Variants in KCNIP4 observed in about 807,000 individuals in gnomAD.
The protein encoded by KCNIP4 is potassium voltage-gated channel interacting protein 4.
In KCNIP4, 12 loss-of-function variants were observed where a neutral mutation model predicts 34.0. The ratio of observed to expected loss-of-function variants is 0.35; its 90% CI spans 0.23 to 0.57. KCNIP4 has a LOEUF of 0.57. KCNIP4 is among the 20% of genes least tolerant of loss of function. KCNIP4 has a pLI of 0.83. For missense variants in KCNIP4, 238 were observed against 311.7 expected (o/e 0.76, Z 1.78); for synonymous variants, 124 against 102.2 (o/e 1.21, Z -1.29).
chr4:21,929,584 T>C (rs1729450391), intron 1 of KCNIP4, among the ~76,000 whole-genome samples: 2 of 152,130 alleles, frequency 1.3e-5, no homozygotes, highest in South Asian at 4.1e-4. Context: ...CCTATAAACA[T>C]GCCCAAACTT....
At chr4:21,716,307 G>T (rs144654069) in intron 1 of KCNIP4, among the ~76,000 whole-genome samples, 1 of 151,996 alleles carries the variant, frequency 6.6e-6, no homozygotes, top group East Asian at 1.9e-4. Flanking sequence ...CGTGATCTCG[G>T]CTCACTGCAC....
chr4:21,444,833 C>G (rs925002141), intron 1 of KCNIP4, among the ~76,000 whole-genome samples: 1 of 152,148 alleles, frequency 6.6e-6, no homozygotes, highest in South Asian at 2.1e-4. Flanking sequence ...AGGAAGTCAA[C>G]TTGTCCCTGT....
chr4:20,926,018 A>G (rs985795508), intron 1 of KCNIP4, among the ~76,000 whole-genome samples: 2 of 152,250 alleles, frequency 1.3e-5, no homozygotes, highest in Non-Finnish European at 2.9e-5. Context: ...TCTCTGCCCA[A>G]GATTTGAGAC....
chr4:21,201,737 A>T (rs1756514156), intron 1 of KCNIP4, among the ~76,000 whole-genome samples: 1 of 152,114 alleles, frequency 6.6e-6, no homozygotes, highest in African/African-American at 2.4e-5. Context: ...TGACCTCATA[A>T]TCCACTCACC....
intron 3 of KCNIP4, among the ~76,000 whole-genome samples, chr4:20,826,832 C>G (rs1560494831): frequency 6.6e-6 from 1 of 152,216 alleles, no homozygotes; most frequent in South Asian, 2.1e-4. Context: ...CATCAATATT[C>G]CCCCTGAGAT....
At chr4:20,739,312 T>G (rs1265335476) in intron 5 of KCNIP4, among the ~76,000 whole-genome samples, 1 of 152,170 alleles carries the variant, frequency 6.6e-6, no homozygotes, top group African/African-American at 2.4e-5. Context: ...CCGAGTAGCA[T>G]AACTGGGAAA....
intron 1 of KCNIP4, among the ~76,000 whole-genome samples, chr4:21,115,511 C>G (rs1049066196): frequency 2.0e-5 from 3 of 152,158 alleles, no homozygotes; most frequent in Non-Finnish European, 2.9e-5. Flanking sequence ...GTGTGAGCCA[C>G]TTCAAAACAG....
At chr4:21,207,837 C>CTT (rs1224347026) in intron 1 of KCNIP4, among the ~76,000 whole-genome samples, 3 of 130,982 alleles carry the variant, frequency 2.3e-5, no homozygotes, top group African/African-American at 3.1e-5. Flanking sequence ...CTCCTTTTTT[C>CTT]TTTTTCTTTT....
intron 1 of KCNIP4, among the ~76,000 whole-genome samples, chr4:21,275,889 T>C (rs933152671): frequency 3.3e-5 from 5 of 151,980 alleles, no homozygotes; most frequent in African/African-American, 9.7e-5. Flanking sequence ...TGGACCACAA[T>C]GGAAAAAGAA....
At chr4:21,679,418 G>A (rs1159741615) in intron 1 of KCNIP4, among the ~76,000 whole-genome samples, 3 of 152,182 alleles carry the variant, frequency 2.0e-5, no homozygotes, top group African/African-American at 7.2e-5. Flanking sequence ...ATGAATACCT[G>A]TTGGATAATT....
intron 1 of KCNIP4, among the ~76,000 whole-genome samples, chr4:21,815,680 T>A (rs2109278660): frequency 6.6e-6 from 1 of 152,304 alleles, no homozygotes; most frequent in Middle Eastern, 3.4e-3. Flanking sequence ...GGATGCAAAT[T>A]ATCCTGTTTG....
At chr4:21,479,528 A>G (rs1311348371) in intron 1 of KCNIP4, among the ~76,000 whole-genome samples, 2 of 152,164 alleles carry the variant, frequency 1.3e-5, no homozygotes, top group East Asian at 3.9e-4. Flanking sequence ...CTTCAAGAAG[A>G]AAGATAGTGC....
At chr4:21,025,647 G>C (rs544645438) in intron 1 of KCNIP4, among the ~76,000 whole-genome samples, 1 of 127,576 alleles carries the variant, frequency 7.8e-6, no homozygotes, top group Non-Finnish European at 1.6e-5. Flanking sequence ...TCTGCCTCCC[G>C]GGTTCACGCC....
At chr4:21,257,791 A>C (rs1761172664) in intron 1 of KCNIP4, among the ~76,000 whole-genome samples, 1 of 151,856 alleles carries the variant, frequency 6.6e-6, no homozygotes, top group South Asian at 2.1e-4. Flanking sequence ...AAACACCAGG[A>C]GATGAGTTCA....
intron 1 of KCNIP4, among the ~76,000 whole-genome samples, chr4:21,577,708 G>A (rs568249542): frequency 1.3e-4 from 20 of 152,080 alleles, no homozygotes; most frequent in African/African-American, 4.1e-4. Flanking sequence ...CCTCTATGCC[G>A]TTGCACACTC....
intron 1 of KCNIP4, among the ~76,000 whole-genome samples, chr4:21,559,559 C>A (rs928888164): frequency 1.3e-5 from 2 of 151,994 alleles, no homozygotes; most frequent in Non-Finnish European, 2.9e-5. Context: ...TGTGCTATAA[C>A]AGAGGGCTCA....
chr4:20,963,308 C>T (rs933202931), intron 1 of KCNIP4, among the ~76,000 whole-genome samples: 1 of 148,440 alleles, frequency 6.7e-6, no homozygotes, highest in East Asian at 2.0e-4. Flanking sequence ...GCCTGGGCGA[C>T]AGAGCGAGAC....
At chr4:20,864,259 CAT>C (rs984914515) in intron 2 of KCNIP4, among the ~76,000 whole-genome samples, 2 of 150,500 alleles carry the variant, frequency 1.3e-5, no homozygotes, top group East Asian at 2.0e-4. Flanking sequence ...TATATGCACA[CAT>C]ATGTATGTAC....
intron 1 of KCNIP4, among the ~76,000 whole-genome samples, chr4:20,953,363 A>G (rs1005817785): frequency 2.6e-5 from 4 of 152,196 alleles, no homozygotes; most frequent in African/African-American, 9.6e-5. Context: ...GTTGGAACCT[A>G]GCACAGTGCA....
Sources: gnomAD v4.1 joint callset for allele counts (sites outside exome capture counted in the v4.1 genomes callset) on GRCh38, gnomAD v4.1.1 for gene constraint, MANE v1.5 for transcripts, NCBI Gene and HGNC (gene_info 2026-07-23, HGNC 2026-07-21) for gene names.